Variants in INSL6 observed in about 807,000 individuals in gnomAD.
The protein encoded by INSL6 is insulin like 6, also known as insulin-like peptide INSL6.
Under a neutral mutation model 9.4 loss-of-function variants are expected in INSL6, and 16 were observed. The observed-to-expected ratio is 1.70, with a 90% CI of 1.15 to 2.59. The LOEUF is 2.59. Among genes scored for constraint, INSL6 ranks in the 30% most tolerant of loss-of-function variants. INSL6 has a pLI of 0.00. For synonymous variants in INSL6, 154 were observed against 96.9 expected, an observed-to-expected ratio of 1.59 and a Z score of -3.46; for missense variants, 391 against 257.3, an observed-to-expected ratio of 1.52 and a Z score of -3.56.
chr9:5,054,503 A>T, the INSL6 span: 1 of 1,377,672 alleles, frequency 7.3e-7, no homozygotes, highest in Non-Finnish European at 9.9e-7. The surrounding 1 kb of genome is among the most constrained non-coding windows in gnomAD (Gnocchi z 4.9). Context: ...TTCAATTTTT[A>T]GATTTATCTT....
chr9:5,179,083 A>G (rs1043567898), intron 1 of INSL6, among the ~76,000 whole-genome samples: 5 of 151,644 alleles, frequency 3.3e-5, no homozygotes, highest in African/African-American at 1.2e-4. Context: ...CAGACAACCT[A>G]CAGAATGGGA....
chr9:5,053,802 A>G, the INSL6 span, among the ~76,000 whole-genome samples: 1 of 151,994 alleles, frequency 6.6e-6, no homozygotes, highest in African/African-American at 2.4e-5. Flanking sequence ...ATGCCACAGA[A>G]TGAGGTCCAG....
the INSL6 span, among the ~76,000 whole-genome samples, chr9:5,002,512 C>A: frequency 1.1e-4 from 17 of 151,904 alleles, no homozygotes; most frequent in African/African-American, 4.1e-4. Context: ...TTAATTCAGT[C>A]TTTTCAAATG....
At chr9:5,160,873 A>T (rs1307940529), downstream of INSL6, among the ~76,000 whole-genome samples, 3 of 152,178 alleles carry the variant, frequency 2.0e-5, no homozygotes, top group African/African-American at 7.2e-5. Context: ...CATACAACTT[A>T]CCAAGATTAA....
chr9:5,099,985 A>G, the INSL6 span: 1 of 152,212 alleles, frequency 6.6e-6, no homozygotes, highest in Non-Finnish European at 1.5e-5. Flanking sequence ...ACTAGTAATC[A>G]TTGAAACCAT....
At chr9:5,176,870 G>A (rs1290799576) in intron 1 of INSL6, among the ~76,000 whole-genome samples, 1 of 152,080 alleles carries the variant, frequency 6.6e-6, no homozygotes, top group African/African-American at 2.4e-5. Context: ...AAAATAAGTT[G>A]CATTTCTCTA....
chr9:5,184,592 A>T (rs1286623754), intron 1 of INSL6, among the ~76,000 whole-genome samples: 3 of 152,204 alleles, frequency 2.0e-5, no homozygotes, highest in Non-Finnish European at 4.4e-5. Context: ...ACAGTATGGT[A>T]TATAGGGCTG....
chr9:5,108,531 A>C, the INSL6 span: 1 of 152,026 alleles, frequency 6.6e-6, no homozygotes, highest in African/African-American at 2.4e-5. Context: ...TATGGCCTTT[A>C]TAGTAAAAAT....
the INSL6 span, among the ~76,000 whole-genome samples, chr9:5,080,890 TTC>T: frequency 2.0e-4 from 26 of 130,782 alleles, no homozygotes; most frequent in South Asian, 5.6e-3. Context: ...AAAAGACCTT[TTC>T]TTTTTTTTTT....
chr9:5,089,477 G>T, the INSL6 span, among the ~76,000 whole-genome samples: 2 of 141,620 alleles, frequency 1.4e-5, no homozygotes, highest in East Asian at 4.4e-4. Flanking sequence ...GGCGGAGCTT[G>T]CAGTGAGCCG....
At chr9:5,057,890 T>C in the INSL6 span, among the ~76,000 whole-genome samples, 2 of 152,226 alleles carry the variant, frequency 1.3e-5, no homozygotes, top group South Asian at 2.1e-4. Context: ...CCCTCTACTT[T>C]CTTATTCTAT....
the INSL6 span, among the ~76,000 whole-genome samples, chr9:5,079,785 C>T: frequency 1.3e-3 from 192 of 151,956 alleles, 2 homozygotes; most frequent in Admixed American, 3.0e-3. Context: ...TGCCATTGCA[C>T]TCTAGCCTGA....
At chr9:5,155,078 A>G (rs1213893556) in intron 2 of INSL6, among the ~76,000 whole-genome samples, 1 of 151,784 alleles carries the variant, frequency 6.6e-6, no homozygotes, top group Non-Finnish European at 1.5e-5. Flanking sequence ...ACCAAGCCAA[A>G]TGTCCAACAA....
the INSL6 span, chr9:5,097,699 C>T: frequency 6.6e-6 from 1 of 152,216 alleles, no homozygotes; most frequent in Admixed American, 6.5e-5. Flanking sequence ...ATTCATCTTT[C>T]TTTTCACAGT....
At chr9:5,139,274 T>C (rs1448774670) in intron 2 of INSL6, among the ~76,000 whole-genome samples, 2 of 152,162 alleles carry the variant, frequency 1.3e-5, no homozygotes, top group Non-Finnish European at 2.9e-5. Flanking sequence ...AAGCAATTTT[T>C]TCACGTGCAG....
At chr9:5,042,319 A>G in the INSL6 span, among the ~76,000 whole-genome samples, 22 of 150,224 alleles carry the variant, frequency 1.5e-4, no homozygotes, top group Admixed American at 6.6e-5. Context: ...TTGTATTTTT[A>G]GTAGAGACGG....
intron 1 of INSL6, among the ~76,000 whole-genome samples, chr9:5,181,462 A>C (rs1232949669): frequency 6.6e-6 from 1 of 152,146 alleles, no homozygotes; most frequent in Admixed American, 6.5e-5. Flanking sequence ...AGAAAAAAAG[A>C]CTTACTGAGA....
At chr9:5,159,967 G>C (rs967467121), downstream of INSL6, among the ~76,000 whole-genome samples, 1 of 152,168 alleles carries the variant, frequency 6.6e-6, no homozygotes, top group African/African-American at 2.4e-5. Context: ...CTGAGGTCAG[G>C]AGTTTGAGAC....
chr9:5,122,909 T>C (rs1823720154), downstream of INSL6: 1 of 749,358 alleles, frequency 1.3e-6, no homozygotes, highest in African/African-American at 1.8e-5. Context: ...TTTCTCTACA[T>C]GTTTTTTTTT....
Sources: allele counts gnomAD v4.1 joint callset (sites outside exome capture counted in the v4.1 genomes callset), GRCh38; gene constraint gnomAD v4.1.1; non-coding constraint Gnocchi (gnomAD v3.1); transcripts MANE v1.5; gene names NCBI Gene and HGNC (gene_info 2026-07-23, HGNC 2026-07-21).